AGBL4: variants seen among roughly 807,000 people sequenced by gnomAD.
AGBL4 encodes the protein AGBL carboxypeptidase 4.
AGBL4 carries 58 observed loss-of-function variants against 66.4 expected under a neutral mutation model. The observed-to-expected ratio is 0.87, with a 90% CI of 0.71 to 1.09. AGBL4 has a LOEUF of 1.09. Ranked by LOEUF, AGBL4 falls within the 50% of genes least tolerant of loss-of-function variation. The pLI, the probability that AGBL4 is intolerant of heterozygous loss-of-function variation, is 0.00. For missense variants in AGBL4, 579 were observed against 631.0 expected (o/e 0.92, Z 0.88); for synonymous variants, 234 against 222.9 (o/e 1.05, Z -0.44).
chr1:49,006,662 G>A (rs1215241075), intron 5 of AGBL4, among the ~76,000 whole-genome samples: 1 of 150,926 alleles, frequency 6.6e-6, no homozygotes, highest in Admixed American at 6.6e-5. Context: ...GGTTCTCCCA[G>A]TACGCAGCTG....
intron 1 of AGBL4, among the ~76,000 whole-genome samples, chr1:49,901,974 C>G (rs1649809786): frequency 6.6e-6 from 1 of 152,162 alleles, no homozygotes; most frequent in South Asian, 2.1e-4. Flanking sequence ...GCTGTGATAA[C>G]TGGCTAGCCA....
rs373396034 is a variant in AGBL4, at chr1:49,560,879, A to C, written c.282+136434T>G. ...CTGGTGAAAATGTCCTTTAAACATG[A>C]AGAGGGAATAAAGATTTTCCCAGAA... is the stretch of plus-strand genomic sequence containing the variant. On this transcript the variant is annotated intron_variant, in intron 3 of 13. Transcript: ENST00000371839. Among the ~76,000 whole-genome samples the C allele has an allele frequency of 3.4e-4, 51 of 152,234 alleles. 1 individual carries two copies. In the South Asian group the frequency reaches 9.3e-3, roughly 28 times the overall value.
intron 1 of AGBL4, among the ~76,000 whole-genome samples, chr1:49,896,867 A>ATT (rs1288768194): frequency 6.6e-6 from 1 of 152,104 alleles, no homozygotes; most frequent in African/African-American, 2.4e-5. Flanking sequence ...CCATATGATC[A>ATT]TTTCAATTGA....
intron 1 of AGBL4, among the ~76,000 whole-genome samples, chr1:49,967,878 G>C (rs151213516): frequency 1.3e-5 from 2 of 151,972 alleles, no homozygotes; most frequent in African/African-American, 4.8e-5. Flanking sequence ...TAATTGCTAG[G>C]TATAGACTTT....
chr1:49,420,163 T>C (rs1645512296), intron 3 of AGBL4, among the ~76,000 whole-genome samples: 1 of 152,212 alleles, frequency 6.6e-6, no homozygotes, highest in African/African-American at 2.4e-5. Flanking sequence ...CTTCTTTTAC[T>C]CTTCCTTCTG....
At chr1:49,831,125 T>A (rs1250379875) in intron 2 of AGBL4, among the ~76,000 whole-genome samples, 1 of 152,124 alleles carries the variant, frequency 6.6e-6, no homozygotes, top group East Asian at 1.9e-4. Context: ...TTTAAAGTAG[T>A]TTTTTCTAAT....
At chr1:48,729,042 G>C (rs1281062831) in intron 6 of AGBL4, among the ~76,000 whole-genome samples, 2 of 152,240 alleles carry the variant, frequency 1.3e-5, no homozygotes, top group Admixed American at 6.5e-5. Context: ...CCTAGCCTGG[G>C]GACCTGGTGC....
chr1:49,819,513 C>T lies in AGBL4; in HGVS notation c.157+31883G>A, dbSNP rs115076903. On this transcript the variant is annotated intron_variant, in intron 2 of 13. Coordinates refer to ENST00000371839, the MANE Select transcript of AGBL4 (RefSeq NM_032785.4). ...AGAAGTGAGGTGATTTTTCCCAAGA[C>T]CACATAGATAATAAGTGTCAGGTCT... 8.6e-3 allele frequency among the ~76,000 whole-genome samples: 1,310 copies of T among 152,190 alleles called. 12 individuals are homozygous for T. The highest frequency in any genetic ancestry group is 0.014 in the Middle Eastern group (4 of 294).
chr1:49,841,629 TG>T (rs957964515), intron 2 of AGBL4, among the ~76,000 whole-genome samples: 1 of 152,096 alleles, frequency 6.6e-6, no homozygotes, highest in Non-Finnish European at 1.5e-5. Flanking sequence ...AGTATGGTGC[TG>T]GTACTAAAAC....
chr1:49,931,015 G>T (rs1001122719), intron 1 of AGBL4, among the ~76,000 whole-genome samples: 1 of 152,014 alleles, frequency 6.6e-6, no homozygotes, highest in Non-Finnish European at 1.5e-5. Flanking sequence ...CTACGGAAAA[G>T]AATATAAAAG....
intron 2 of AGBL4, chr1:49,846,323 T>C (rs1049302583): frequency 2.0e-6 from 3 of 1,531,944 alleles, no homozygotes; most frequent in Non-Finnish European, 2.7e-6. Context: ...AGAGAAGCCA[T>C]ATGCATGCAG....
chr1:49,939,714 A>G (rs1654532556), intron 1 of AGBL4, among the ~76,000 whole-genome samples: 1 of 151,914 alleles, frequency 6.6e-6, no homozygotes, highest in Non-Finnish European at 1.5e-5. Context: ...AAGATGGATT[A>G]GACTTAAACG....
At chr1:48,851,970 A>G (rs964857372) in intron 6 of AGBL4, among the ~76,000 whole-genome samples, 27 of 150,750 alleles carry the variant, frequency 1.8e-4, no homozygotes, top group African/African-American at 6.6e-4. Flanking sequence ...AACTTCCCAT[A>G]ACAACATGAG....
intron 3 of AGBL4, among the ~76,000 whole-genome samples, chr1:49,352,366 C>CTTTTTTT (rs35699154): frequency 2.6e-4 from 22 of 83,134 alleles, no homozygotes; most frequent in Non-Finnish European, 4.0e-4. Context: ...TGAATTGAAG[C>CTTTTTTT]TTTTTTTTTT....
At chr1:49,571,828 TAG>T (rs1341970374) in intron 3 of AGBL4, among the ~76,000 whole-genome samples, 1 of 152,062 alleles carries the variant, frequency 6.6e-6, no homozygotes, top group African/African-American at 2.4e-5. Context: ...GAGATGATAG[TAG>T]AGTTTTTGTC....
chr1:49,336,501 G>A (rs1316628106), intron 3 of AGBL4, among the ~76,000 whole-genome samples: 3 of 152,206 alleles, frequency 2.0e-5, no homozygotes, highest in Admixed American at 2.0e-4. Context: ...GCCCAGTTAA[G>A]TTGACACATA....
At chr1:49,334,829 A>G (rs1216125490) in intron 3 of AGBL4, among the ~76,000 whole-genome samples, 6 of 152,202 alleles carry the variant, frequency 3.9e-5, no homozygotes, top group African/African-American at 1.4e-4. Flanking sequence ...GGTCCAGGGG[A>G]AGACAGTGAA....
At chr1:48,605,040 A>G (rs1026804440) in intron 9 of AGBL4, among the ~76,000 whole-genome samples, 1 of 152,218 alleles carries the variant, frequency 6.6e-6, no homozygotes, top group African/African-American at 2.4e-5. Flanking sequence ...TCAACAACCT[A>G]CACAACTTGT....
chr1:49,151,995 TA>T (rs570843192), intron 4 of AGBL4, among the ~76,000 whole-genome samples: 68 of 144,908 alleles, frequency 4.7e-4, no homozygotes, highest in South Asian at 3.5e-3. Flanking sequence ...CAATAAGACT[TA>T]AAAAAAAAAA....
Sources: gnomAD v4.1 joint callset for allele counts (sites outside exome capture counted in the v4.1 genomes callset) on GRCh38, gnomAD v4.1.1 for gene constraint, MANE v1.5 for transcripts, NCBI Gene and HGNC (gene_info 2026-07-23, HGNC 2026-07-21) for gene names.